CPXM2: variants seen among roughly 807,000 people sequenced by gnomAD.
The protein encoded by CPXM2 is carboxypeptidase X, M14 family member 2.
In CPXM2, 66 loss-of-function variants were observed where a neutral mutation model predicts 86.1. That is an observed-to-expected ratio of 0.77 (90% confidence interval 0.63 to 0.94). The LOEUF (loss-of-function observed/expected upper bound fraction) is 0.94. Among genes scored for constraint, CPXM2 ranks in the 40% least tolerant of loss-of-function variants. CPXM2 has a pLI of 0.00. For missense variants in CPXM2, 948 were observed against 1,026.3 expected (o/e 0.92, Z 1.04); for synonymous variants, 388 against 400.2 (o/e 0.97, Z 0.36).
intron 4 of CPXM2, among the ~76,000 whole-genome samples, chr10:123,841,279 A>G (rs1590056057): frequency 6.6e-6 from 1 of 152,140 alleles, no homozygotes; most frequent in Admixed American, 6.5e-5. Context: ...ATGCAGCTCT[A>G]CCTCCGTCTC....
chr10:123,847,103 T>C lies in CPXM2; in HGVS notation c.514-4615A>G, dbSNP rs570322821. 1.3e-4 allele frequency among the ~76,000 whole-genome samples: 20 copies of C among 152,316 alleles called. 1 individual carries two copies. Among genetic ancestry groups the C allele is most frequent in the Middle Eastern group, 3.4e-3 (1 of 294 alleles). On this transcript the variant is annotated intron_variant, in intron 3 of 13. Coordinates refer to ENST00000241305, the MANE Select transcript of CPXM2 (RefSeq NM_198148.3). The stretch of plus-strand genomic sequence containing the variant: ...CCCAAAAATTGAGCTACAATTTTAT[T>C]GGAAAGATGGAAGAGAGGAAAGGGG...
At chr10:123,872,903 T>C (rs1180959194) in intron 2 of CPXM2, among the ~76,000 whole-genome samples, 3 of 151,618 alleles carry the variant, frequency 2.0e-5, no homozygotes, top group Non-Finnish European at 4.4e-5. Context: ...CCAAGAGTCA[T>C]GGCTTCAACT....
At chr10:123,918,459 C>T (rs550740616) in intron 2 of CPXM2, among the ~76,000 whole-genome samples, 78 of 152,014 alleles carry the variant, frequency 5.1e-4, no homozygotes, top group African/African-American at 1.6e-3. Context: ...AATAAAAACT[C>T]GAAGAAATAC....
intron 2 of CPXM2, among the ~76,000 whole-genome samples, chr10:123,923,773 G>T (rs532643718): frequency 6.6e-6 from 1 of 152,058 alleles, no homozygotes. Flanking sequence ...TACTATTCTC[G>T]TAGTGAATTA....
intron 2 of CPXM2, 66 bp downstream of exon 2, chr10:123,880,145 T>TTGCCC: frequency 4.9e-6 from 2 of 407,580 alleles, no homozygotes; most frequent in East Asian, 9.8e-5. Context: ...CAGGGGCCTG[T>TTGCCC]ACCCACCCAC....
intron 3 of CPXM2, among the ~76,000 whole-genome samples, chr10:123,854,433 TAATATAC>T (rs2134179506): frequency 1.7e-5 from 2 of 121,170 alleles, no homozygotes; most frequent in African/African-American, 6.1e-5. Flanking sequence ...AATATATATA[TAATATAC>T]TTTTATATAT....
intron 8 of CPXM2, 22 bp from the exon 9 acceptor site, chr10:123,768,744 A>AGCAC: frequency 3.7e-6 from 6 of 1,602,070 alleles, no homozygotes; most frequent in Non-Finnish European, 5.1e-6. Flanking sequence ...GACAGAGAGA[A>AGCAC]GCACAGGTTC....
intron 2 of CPXM2, among the ~76,000 whole-genome samples, chr10:123,938,209 C>G (rs1181718078): frequency 2.0e-5 from 3 of 152,186 alleles, no homozygotes; most frequent in Non-Finnish European, 2.9e-5. Context: ...TCTGATTCAG[C>G]AGGCCTGAGG....
intron 2 of CPXM2, among the ~76,000 whole-genome samples, chr10:123,924,753 C>A (rs1385024611): frequency 5.3e-5 from 8 of 152,100 alleles, no homozygotes; most frequent in African/African-American, 1.9e-4. Flanking sequence ...TTTCTGGTAA[C>A]CAGACTCCAT....
At chr10:123,870,559 C>T (rs1944877679) in intron 2 of CPXM2, among the ~76,000 whole-genome samples, 1 of 152,230 alleles carries the variant, frequency 6.6e-6, no homozygotes, top group Non-Finnish European at 1.5e-5. Flanking sequence ...AGCTTCCCAG[C>T]ACACTGAAAA....
chr10:123,866,322 G>A (rs561783624), intron 2 of CPXM2, among the ~76,000 whole-genome samples: 3 of 152,142 alleles, frequency 2.0e-5, no homozygotes, highest in Non-Finnish European at 2.9e-5. Flanking sequence ...CCAGCACTTT[G>A]GGAGGCCGAG....
At chr10:123,832,043 G>A (rs1848178480) in intron 4 of CPXM2, among the ~76,000 whole-genome samples, 1 of 151,806 alleles carries the variant, frequency 6.6e-6, no homozygotes, top group Admixed American at 6.6e-5. Flanking sequence ...CCAACCATGG[G>A]CCCCTTCCTC....
intron 2 of CPXM2, among the ~76,000 whole-genome samples, chr10:123,868,404 C>A (rs1944833284): frequency 6.6e-6 from 1 of 152,218 alleles, no homozygotes; most frequent in African/African-American, 2.4e-5. Context: ...GTCCAGGAAA[C>A]CTCCATGTCT....
intron 6 of CPXM2, among the ~76,000 whole-genome samples, chr10:123,783,790 T>C (rs1405428822): frequency 6.6e-6 from 1 of 152,168 alleles, no homozygotes; most frequent in Non-Finnish European, 1.5e-5. Context: ...GCTGATCCAG[T>C]CTATGGGGGC....
chr10:123,776,135 A>G (rs1460932938), intron 7 of CPXM2, among the ~76,000 whole-genome samples: 2 of 152,210 alleles, frequency 1.3e-5, no homozygotes, highest in African/African-American at 4.8e-5. Flanking sequence ...CTTAGGTATT[A>G]CAATGCTTTG....
intron 1 of CPXM2, 38 bp from the exon 2 acceptor site, chr10:123,880,347 C>T (rs764993560): frequency 1.1e-6 from 1 of 891,646 alleles, no homozygotes; most frequent in Non-Finnish European, 1.9e-6. Flanking sequence ...CTTTCACATA[C>T]ATCAGAGCTG....
At chr10:123,822,542 T>A (rs1847949996) in intron 4 of CPXM2, among the ~76,000 whole-genome samples, 4 of 151,956 alleles carry the variant, frequency 2.6e-5, no homozygotes, top group Non-Finnish European at 2.9e-5. Flanking sequence ...GGGTGAGGGC[T>A]AGCTTAATCT....
At chr10:123,933,133 C>T (rs1013846223) in intron 2 of CPXM2, among the ~76,000 whole-genome samples, 3 of 152,172 alleles carry the variant, frequency 2.0e-5, no homozygotes, top group Admixed American at 2.0e-4. Context: ...CATGGGGCTC[C>T]ACCATGGCCT....
At chr10:123,908,145 C>A (rs1452697698) in intron 2 of CPXM2, among the ~76,000 whole-genome samples, 1 of 151,592 alleles carries the variant, frequency 6.6e-6, no homozygotes. Context: ...GGGACAGGGA[C>A]TGTGGAGAAG....
Sources: gnomAD v4.1 joint callset for allele counts (sites outside exome capture counted in the v4.1 genomes callset) on GRCh38, gnomAD v4.1.1 for gene constraint, MANE v1.5 for transcripts, NCBI Gene and HGNC (gene_info 2026-07-23, HGNC 2026-07-21) for gene names.